PRKN: variants seen among roughly 807,000 people sequenced by gnomAD.
The protein encoded by PRKN is E3 ubiquitin-protein ligase parkin.
In PRKN, 56 loss-of-function variants were observed where a neutral mutation model predicts 59.5. The ratio of observed to expected loss-of-function variants is 0.94; its 90% CI spans 0.76 to 1.18. The LOEUF (loss-of-function observed/expected upper bound fraction) is 1.18, where lower values mean the gene tolerates loss of function less well. Among genes scored for constraint, PRKN ranks in the 50% most tolerant of loss-of-function variants. PRKN has a pLI of 0.00. For synonymous variants in PRKN, 250 were observed against 222.1 expected (o/e 1.13, Z -1.12); for missense variants, 657 against 596.4 (o/e 1.10, Z -1.06).
intron 5 of PRKN, among the ~76,000 whole-genome samples, chr6:162,036,003 T>C (rs921348725): frequency 2.0e-5 from 3 of 152,134 alleles, no homozygotes; most frequent in Non-Finnish European, 4.4e-5. Context: ...ATCCTCCTAA[T>C]AATGATAACA....
At chr6:161,537,840 G>T (rs959321842) in intron 9 of PRKN, among the ~76,000 whole-genome samples, 4 of 152,178 alleles carry the variant, frequency 2.6e-5, no homozygotes, top group Admixed American at 2.0e-4. Flanking sequence ...AGTGGACTGG[G>T]TTTGTCTACA....
rs889790351 is a variant in PRKN at position 161,547,946 on chromosome 6, T to C, written c.1083+908A>G. On this transcript the variant is annotated intron_variant, in intron 9 of 11. Transcript: ENST00000366898. This position sits in a 1 kb window ranked among gnomAD's most constrained non-coding sequence, Gnocchi z 4.0. ...CTGCATGACATACAGGAAGCTTTAC[T>C]AAGGGGAACCAATGCTAATTTATTT... Among the ~76,000 whole-genome samples, 9 of 152,192 alleles carry C rather than the reference T, an allele frequency of 5.9e-5. No individual in the cohort carries two copies. Among genetic ancestry groups the C allele is most frequent in the Non-Finnish European group, 1.2e-4 (8 of 68,042 alleles).
chr6:162,116,182 T>G (rs1045725675), intron 4 of PRKN, among the ~76,000 whole-genome samples: 5 of 152,192 alleles, frequency 3.3e-5, no homozygotes, highest in Admixed American at 6.5e-5. Context: ...ATTTACTTGA[T>G]TTAACAAGCT....
At chr6:162,494,077 T>A (rs534174021) in intron 1 of PRKN, among the ~76,000 whole-genome samples, 2 of 152,226 alleles carry the variant, frequency 1.3e-5, no homozygotes, top group African/African-American at 4.8e-5. Flanking sequence ...GATGCTGCAA[T>A]GTGCCACTGT....
chr6:161,777,824 ATGTATATG>A (rs1340953159), intron 7 of PRKN, among the ~76,000 whole-genome samples: 4,536 of 144,720 alleles, frequency 0.031, 298 homozygotes, highest in African/African-American at 0.11. Context: ...ATGTGTATAT[ATGTATATG>A]TATACGTATA....
intron 4 of PRKN, among the ~76,000 whole-genome samples, chr6:162,101,117 T>G (rs1353978037): frequency 6.6e-6 from 1 of 152,104 alleles, no homozygotes; most frequent in Non-Finnish European, 1.5e-5. Context: ...TTTTGTTGCT[T>G]GTGCTTTTGG....
chr6:161,904,231 C>T (rs1229203522), intron 6 of PRKN, among the ~76,000 whole-genome samples: 2 of 151,678 alleles, frequency 1.3e-5, no homozygotes, highest in Non-Finnish European at 2.9e-5. Flanking sequence ...GCCAGCACGC[C>T]CACAGTTTGG....
intron 7 of PRKN, among the ~76,000 whole-genome samples, chr6:161,651,323 C>T (rs1784142108): frequency 6.6e-6 from 1 of 152,176 alleles, no homozygotes; most frequent in South Asian, 2.1e-4. Context: ...CCAGCAAACA[C>T]CACGGACCAT....
intron 6 of PRKN, among the ~76,000 whole-genome samples, chr6:161,865,212 T>C (rs1409556403): frequency 5.3e-5 from 8 of 152,166 alleles, no homozygotes; most frequent in Admixed American, 5.2e-4. Flanking sequence ...TTTTCAACAA[T>C]GGGCTTAAAA....
chr6:162,664,801 T>C (rs983703755), intron 1 of PRKN, among the ~76,000 whole-genome samples: 1 of 152,154 alleles, frequency 6.6e-6, no homozygotes, highest in African/African-American at 2.4e-5. Context: ...CAGATGGGTA[T>C]ACTGCAAAAA....
Position 161,350,115 on chromosome 6 carries a change from T to C in PRKN, c.1382A>G (p.His461Arg). 7 of 1,613,112 alleles carry C rather than the reference T, an allele frequency of 4.3e-6. No individual in the cohort carries two copies. Among genetic ancestry groups the C allele is most frequent in the Non-Finnish European group, 5.9e-6 (7 of 1,179,528 alleles). Residue 461 changes from histidine (H) to arginine (R), a missense_variant, in exon 12 of 12, where the codon CAC becomes CGC. Physicochemically the swap from His to Arg is conservative, Grantham distance 29. Coordinates refer to ENST00000366898, the MANE Select transcript of PRKN (RefSeq NM_004562.3). ...CCGCCCTGGCTACACGTCGAACCAG[T>C]GGTCCCCCATGCAGACGCGGTTCCA... ...CEWNRVCMGD[H>R]WFDV is the part of the protein sequence containing the mutation.
chr6:161,975,901 G>C (rs1261160135), intron 5 of PRKN, among the ~76,000 whole-genome samples: 1 of 152,072 alleles, frequency 6.6e-6, no homozygotes, highest in Non-Finnish European at 1.5e-5. Context: ...AAAATCTGGA[G>C]TGTGCCATTT....
At chr6:162,270,008 T>A (rs1432454680) in intron 2 of PRKN, 1 of 152,100 alleles carries the variant, frequency 6.6e-6, no homozygotes, top group Non-Finnish European at 1.5e-5. Flanking sequence ...GATCCAGAAA[T>A]CCCACTACTG....
At chr6:162,035,549 C>A (rs926764993) in intron 5 of PRKN, among the ~76,000 whole-genome samples, 2 of 152,108 alleles carry the variant, frequency 1.3e-5, no homozygotes, top group Non-Finnish European at 2.9e-5. Context: ...GATTTATTTT[C>A]AAACTTCATA....
chr6:162,533,107 T>C (rs886728774), intron 1 of PRKN, among the ~76,000 whole-genome samples: 1 of 152,216 alleles, frequency 6.6e-6, no homozygotes, highest in Non-Finnish European at 1.5e-5. Context: ...TGTATCTGCT[T>C]AGCTAATTCC....
intron 7 of PRKN, among the ~76,000 whole-genome samples, chr6:161,769,695 C>G (rs1789581843): frequency 6.6e-6 from 1 of 152,084 alleles, no homozygotes; most frequent in Non-Finnish European, 1.5e-5. Context: ...AAGATGCATG[C>G]CTAGTTTATA....
At chr6:162,614,123 T>C (rs898506369) in intron 1 of PRKN, among the ~76,000 whole-genome samples, 1 of 152,204 alleles carries the variant, frequency 6.6e-6, no homozygotes, top group Admixed American at 6.5e-5. Flanking sequence ...TCTGACAATA[T>C]TACTTTTGTC....
At chr6:161,912,937 G>A (rs1310190106) in intron 6 of PRKN, among the ~76,000 whole-genome samples, 1 of 152,130 alleles carries the variant, frequency 6.6e-6, no homozygotes, top group African/African-American at 2.4e-5. Flanking sequence ...AGCAGTTTGG[G>A]TGGACGAGGC....
intron 2 of PRKN, among the ~76,000 whole-genome samples, chr6:162,282,850 G>A (rs1780974780): frequency 6.6e-6 from 1 of 152,138 alleles, no homozygotes; most frequent in South Asian, 2.1e-4. Context: ...AGTGATGGAA[G>A]AGAGGAATTT....
Sources: allele counts gnomAD v4.1 joint callset (sites outside exome capture counted in the v4.1 genomes callset), GRCh38; gene constraint gnomAD v4.1.1; non-coding constraint Gnocchi (gnomAD v3.1); transcripts MANE v1.5; gene names NCBI Gene and HGNC (gene_info 2026-07-23, HGNC 2026-07-21).